The following SH3BP2 variants were observed in gnomAD, a reference collection of about 807,000 sequenced individuals.
SH3BP2 encodes the protein SH3 domain binding protein 2.
Under a neutral mutation model 56.2 loss-of-function variants are expected in SH3BP2, and 38 were observed. The ratio of observed to expected loss-of-function variants is 0.68; its 90% CI spans 0.52 to 0.89. The LOEUF (loss-of-function observed/expected upper bound fraction) is 0.89, where lower values mean the gene tolerates loss of function less well. Among genes scored for constraint, SH3BP2 ranks in the 40% least tolerant of loss-of-function variants. The pLI, the probability that SH3BP2 is intolerant of heterozygous loss-of-function variation, is 0.00. For synonymous variants in SH3BP2, 346 were observed against 316.7 expected (o/e 1.09, Z -0.98); for missense variants, 748 against 762.6 (o/e 0.98, Z 0.23).
chr4:2,796,504 C>G, intron 1 of SH3BP2: 1 of 966,086 alleles, frequency 1.0e-6, no homozygotes, highest in Non-Finnish European at 1.2e-6. Flanking sequence ...GGATTCCGGT[C>G]ACATCTGGTC....
chr4:2,803,414 A>G (rs1423304278), intron 1 of SH3BP2, among the ~76,000 whole-genome samples: 1 of 152,224 alleles, frequency 6.6e-6, no homozygotes, highest in Non-Finnish European at 1.5e-5. Flanking sequence ...CTAGGGACCC[A>G]GTGCTGGGCC....
intron 1 of SH3BP2, among the ~76,000 whole-genome samples, chr4:2,819,705 A>C (rs570468121): frequency 6.9e-6 from 1 of 145,706 alleles, no homozygotes; most frequent in Non-Finnish European, 1.5e-5. Context: ...TAAGTGGGCA[A>C]TGAGGGTGCC....
At position 2,804,927 on chromosome 4, in the gene SH3BP2, C is replaced by T. The variant is rs550674508; in HGVS notation, c.-5+11789C>T. 3.0e-4 allele frequency among the ~76,000 whole-genome samples: 45 copies of T among 152,370 alleles called. No individual in the cohort carries two copies. The South Asian group carries it at 8.9e-3, about 30-fold the overall frequency. On this transcript the variant is annotated intron_variant, in intron 1 of 12. Coordinates refer to ENST00000503393, the MANE Select transcript of SH3BP2 (RefSeq NM_001122681.2). ...CGAGGTCCTAATCGGGAGAACAAAA[C>T]GAGCAGTTGGCGATGGAGCGGGCAC... is the stretch of plus-strand genomic sequence containing the variant.
In SH3BP2 at chr4:2,830,070, G is replaced by A. The variant is rs148233601; in HGVS notation, c.1164G>A (p.Leu388=). The part of the protein sequence containing the change: ...VPPVAPRPPA[L]KLPVPEAMAR... The stretch of plus-strand genomic sequence containing the variant: ...CCGTGGCTCCCCGGCCTCCTGCGCT[G>A]AAGCTGCCAGTGCCTGAGGCCATGG... Residue 388 remains leucine (L), a synonymous_variant, in exon 8 of 13, where the codon CTG becomes CTA. Coordinates refer to ENST00000503393, the MANE Select transcript of SH3BP2 (RefSeq NM_001122681.2). 32 of 1,610,766 alleles carry A rather than the reference G, an allele frequency of 2.0e-5. No individual in the cohort carries two copies. The highest frequency in any genetic ancestry group is 2.6e-5 in the Non-Finnish European group (31 of 1,179,512).
Position 2,829,576 on chromosome 4 carries a change from C to A in SH3BP2, c.670C>A (p.His224Asn). The A allele has an allele frequency of 1.9e-6, 3 of 1,613,202 alleles. No individual in the cohort carries two copies. Among genetic ancestry groups the A allele is most frequent in the Non-Finnish European group, 2.5e-6 (3 of 1,179,784 alleles). Residue 224 changes from histidine (H) to asparagine (N), a missense_variant, in exon 8 of 13, where the codon CAC becomes AAC. Physicochemically the swap from His to Asn is moderately conservative, Grantham distance 68 (BLOSUM62 1). This residue lies in a region of SH3BP2 where 635 missense variants were observed against 615.0 expected (regional missense o/e 1.03). Coordinates refer to ENST00000503393, the MANE Select transcript of SH3BP2 (RefSeq NM_001122681.2). The surrounding 1 kb of genome is among the most constrained non-coding windows in gnomAD (Gnocchi z 4.9). ...KPAFSDMPRA[H>N]SFTSKGPGPL... ...AGCCTTCTCTGACATGCCCCGGGCC[C>A]ACTCCTTTACCTCCAAGGGCCCCGG... is the stretch of plus-strand genomic sequence containing the variant.
chr4:2,832,361 GC>G lies in SH3BP2; in HGVS notation c.1441del (p.Gln481ArgfsTer28). On this transcript the variant is annotated frameshift_variant, in exon 11 of 13. Coordinates refer to ENST00000503393, the MANE Select transcript of SH3BP2 (RefSeq NM_001122681.2). LOFTEE classifies it high-confidence loss of function. ...TCAAGGCTACAAGCCCCCGGGGAGA[GC>G]CCCAGGATGGACTCTACTGCATCCG... is the stretch of plus-strand genomic sequence containing the variant. ...LFKATSPRGEPQDGLYCIRNS... is the reference protein window; with the variant it reads ...LFKATSPRGEXQDGLYCIRNS... 1 of 1,614,126 alleles carries G rather than the reference GC, an allele frequency of 6.2e-7. No individual in the cohort carries two copies. Among genetic ancestry groups the G allele is most frequent in the Non-Finnish European group, 8.5e-7 (1 of 1,179,982 alleles).
chr4:2,803,260 G>T lies in SH3BP2; in HGVS notation c.-5+10122G>T, dbSNP rs73189435. 3.1e-3 allele frequency among the ~76,000 whole-genome samples: 475 copies of T among 152,302 alleles called. 3 individuals are homozygous for T. Among genetic ancestry groups the T allele is most frequent in the Middle Eastern group, 0.017 (5 of 294 alleles). On this transcript the variant is annotated intron_variant, in intron 1 of 12. Transcript: ENST00000503393. ...GCCGTTGGCTCTGGGTGGGAGCAGT[G>T]GGGCTGGGTTTCTCTGACTGGCGCC...
At chr4:2,827,108 C>CGT (rs2108735093) in intron 5 of SH3BP2, 122 bp from the exon 6 acceptor site, 1 of 761,854 alleles carries the variant, frequency 1.3e-6, no homozygotes, top group Admixed American at 1.9e-5. Context: ...TCAGTGTATC[C>CGT]GTGTGTGCAT....
intron 1 of SH3BP2, among the ~76,000 whole-genome samples, chr4:2,816,559 T>A (rs573274008): frequency 6.6e-6 from 1 of 152,268 alleles, no homozygotes; most frequent in African/African-American, 2.4e-5. Context: ...CTTTTACCAC[T>A]AGGTATGTTA....
intron 10 of SH3BP2, 48 bp downstream of exon 10, chr4:2,832,026 T>A: frequency 1.9e-6 from 3 of 1,589,730 alleles, no homozygotes; most frequent in Non-Finnish European, 1.7e-6. Flanking sequence ...ATGCCCGGCT[T>A]CCTGCTTCTG....
intron 1 of SH3BP2, among the ~76,000 whole-genome samples, chr4:2,817,224 A>G (rs929269040): frequency 6.6e-6 from 1 of 152,300 alleles, no homozygotes; most frequent in African/African-American, 2.4e-5. Flanking sequence ...AGTGATGGGA[A>G]TGGTGTGCGT....
chr4:2,817,080 G>A (rs1254098890), intron 1 of SH3BP2, among the ~76,000 whole-genome samples: 2 of 152,242 alleles, frequency 1.3e-5, no homozygotes, highest in African/African-American at 2.4e-5. Context: ...CCTGCAAGTG[G>A]GTGCTTGCTC....
At position 2,838,652 on chromosome 4, in the gene SH3BP2, T is replaced by TC. The variant is rs1725314982; in HGVS notation, c.*4818_*4819insC. 2 of 152,034 alleles carry TC rather than the reference T, an allele frequency of 1.3e-5. No homozygotes were observed. The highest frequency in any genetic ancestry group is 4.8e-5 in the African/African-American group (2 of 41,396). 9.4% of individuals were successfully genotyped at this position (152,034 alleles called of 1,614,324 possible). ...GATTTTTGTTTGCGATTTTTTTTTTTAGCTCATCAGCTATAGTTAGTGGTA... is the reference window on the plus strand; with the variant it reads ...GATTTTTGTTTGCGATTTTTTTTTTTCAGCTCATCAGCTATAGTTAGTGGTA... On this transcript the variant is annotated 3_prime_UTR_variant, in exon 13 of 13. Transcript: ENST00000503393.
At chr4:2,817,828 T>C (rs1342006646) in intron 1 of SH3BP2, 1 of 152,230 alleles carries the variant, frequency 6.6e-6, no homozygotes, top group Non-Finnish European at 1.5e-5. Context: ...GGTGCCGTTT[T>C]GCAGAGGCCA....
Position 2,802,580 on chromosome 4 carries a change from G to GTATA in SH3BP2, c.-5+9448_-5+9451dup, listed in dbSNP as rs150785584. Among the ~76,000 whole-genome samples, 132 of 137,262 alleles carry GTATA rather than the reference G, an allele frequency of 9.6e-4. 1 individual carries two copies. Among genetic ancestry groups the GTATA allele is most frequent in the African/African-American group, 3.6e-3 (120 of 33,618 alleles). 90.0% of individuals were successfully genotyped at this position (137,262 alleles called of 152,430 possible). A position where few individuals can be genotyped will look rare whatever the true frequency, so the allele number is the denominator to read the frequency against. Reference sequence around the variant, plus strand: ...TGTATATATGTATATATGTGTATATGTATATATATGTTTGTATATATGTGT... The same window carrying GTATA: ...TGTATATATGTATATATGTGTATATGTATATATATATATGTTTGTATATATGTGT... On this transcript the variant is annotated intron_variant, in intron 1 of 12. Coordinates refer to ENST00000503393, the MANE Select transcript of SH3BP2 (RefSeq NM_001122681.2).
At chr4:2,827,748 T>C in intron 7 of SH3BP2, 74 bp downstream of exon 7, 1 of 1,341,738 alleles carries the variant, frequency 7.5e-7, no homozygotes, top group Non-Finnish European at 1.0e-6. Flanking sequence ...GCAGAGCCCC[T>C]CCGAGGCTGG....
At chr4:2,800,549 G>GC (rs34241051) in intron 1 of SH3BP2, among the ~76,000 whole-genome samples, 59,149 of 147,996 alleles carry the variant, frequency 0.4, 12,135 homozygotes, top group South Asian at 0.56. Flanking sequence ...TCCTGTGACC[G>GC]CCCCCCCCCC....
intron 1 of SH3BP2, 109 bp from the exon 2 acceptor site, chr4:2,820,505 T>A: frequency 1.4e-6 from 2 of 1,411,220 alleles, no homozygotes; most frequent in East Asian, 4.6e-5. Flanking sequence ...GTCATGGCCC[T>A]ACCCTCCAAG....
intron 7 of SH3BP2, among the ~76,000 whole-genome samples, 165 bp downstream of exon 7, chr4:2,827,839 G>A (rs776526235): frequency 1.3e-5 from 2 of 152,302 alleles, no homozygotes; most frequent in Non-Finnish European, 1.5e-5. Context: ...GAGCAGAAGA[G>A]GTGTAGCTGC....
Sources: allele counts gnomAD v4.1 joint callset (sites outside exome capture counted in the v4.1 genomes callset), GRCh38; gene constraint gnomAD v4.1.1; regional missense constraint gnomAD v4.1.1; non-coding constraint Gnocchi (gnomAD v3.1); transcripts MANE v1.5; gene names NCBI Gene and HGNC (gene_info 2026-07-23, HGNC 2026-07-21).